Variants in PRKAR1B observed in about 807,000 individuals in gnomAD.
PRKAR1B encodes the protein protein kinase cAMP-dependent type I regulatory subunit beta.
PRKAR1B carries 22 observed loss-of-function variants against 46.5 expected under a neutral mutation model. The observed-to-expected ratio is 0.47, with a 90% CI of 0.34 to 0.68. The LOEUF (loss-of-function observed/expected upper bound fraction) is 0.68. PRKAR1B is among the 30% of genes least tolerant of loss of function. The pLI is 0.01. For synonymous variants in PRKAR1B, 259 were observed against 217.7 expected (o/e 1.19, Z -1.67); for missense variants, 445 against 535.6 (o/e 0.83, Z 1.67).
At chr7:572,943 A>G (rs1779608147) in intron 9 of PRKAR1B, among the ~76,000 whole-genome samples, 1 of 152,224 alleles carries the variant, frequency 6.6e-6, no homozygotes, top group Non-Finnish European at 1.5e-5. Flanking sequence ...CATCTCCTCC[A>G]CGCGCTGCTT....
At chr7:646,862 A>G (rs1784644759) in intron 4 of PRKAR1B, among the ~76,000 whole-genome samples, 1 of 152,176 alleles carries the variant, frequency 6.6e-6, no homozygotes, top group Non-Finnish European at 1.5e-5. Flanking sequence ...GTCCAAATCC[A>G]AAAAGGCCAT....
At chr7:625,374 C>G (rs1281006856) in intron 4 of PRKAR1B, among the ~76,000 whole-genome samples, 1 of 152,032 alleles carries the variant, frequency 6.6e-6, no homozygotes, top group African/African-American at 2.4e-5. Flanking sequence ...AAATTAAATC[C>G]AAAGCAACAA....
intron 9 of PRKAR1B, among the ~76,000 whole-genome samples, chr7:571,403 C>A (rs887344748): frequency 6.6e-6 from 1 of 152,240 alleles, no homozygotes; most frequent in Non-Finnish European, 1.5e-5. Flanking sequence ...GAACAATGGG[C>A]CGTCCCCTGG....
chr7:590,890 G>A (rs1394498332), intron 7 of PRKAR1B, among the ~76,000 whole-genome samples: 1 of 152,198 alleles, frequency 6.6e-6, no homozygotes, highest in Non-Finnish European at 1.5e-5. Flanking sequence ...AGGCCCGTCG[G>A]CAGCAGAAAG....
chr7:670,902 C>A (rs575936768), intron 4 of PRKAR1B, among the ~76,000 whole-genome samples: 3 of 152,306 alleles, frequency 2.0e-5, no homozygotes, highest in Admixed American at 1.3e-4. Context: ...GGCTCAGGAC[C>A]GAGGACACGG....
intron 2 of PRKAR1B, among the ~76,000 whole-genome samples, chr7:710,475 G>A (rs1345856349): frequency 6.6e-6 from 1 of 152,084 alleles, no homozygotes; most frequent in Non-Finnish European, 1.5e-5. Flanking sequence ...AGGAGGCCAG[G>A]AAGGGGGTGA....
chr7:579,217 G>C, intron 9 of PRKAR1B, 39 bp downstream of exon 9: 2 of 1,613,570 alleles, frequency 1.2e-6, no homozygotes, highest in Non-Finnish European at 8.5e-7. Flanking sequence ...CCCTGCCCCA[G>C]TGCACACCCA....
chr7:568,475 C>G (rs576705705), intron 9 of PRKAR1B, among the ~76,000 whole-genome samples: 2 of 152,358 alleles, frequency 1.3e-5, no homozygotes, highest in South Asian at 4.1e-4. Flanking sequence ...TTGTTCACCA[C>G]CTGGAGCTGG....
chr7:625,915 G>A (rs1281543995), intron 4 of PRKAR1B, among the ~76,000 whole-genome samples: 2 of 149,738 alleles, frequency 1.3e-5, no homozygotes, highest in Non-Finnish European at 3.0e-5. Flanking sequence ...GGCTGAGGCA[G>A]AAGAATCACT....
chr7:710,596 A>G (rs1287574457), intron 2 of PRKAR1B, among the ~76,000 whole-genome samples: 4 of 147,858 alleles, frequency 2.7e-5, no homozygotes, highest in Non-Finnish European at 6.0e-5. Context: ...GTGGAATTCG[A>G]CCTCAAACCC....
At chr7:640,970 T>G (rs942904468) in intron 4 of PRKAR1B, among the ~76,000 whole-genome samples, 6 of 152,274 alleles carry the variant, frequency 3.9e-5, no homozygotes, top group Admixed American at 1.3e-4. Flanking sequence ...TTCTTTTTTT[T>G]TTGTTTTGAG....
chr7:598,236 C>T (rs372141253), intron 6 of PRKAR1B, among the ~76,000 whole-genome samples: 1 of 145,024 alleles, frequency 6.9e-6, no homozygotes. Flanking sequence ...GCACCCTCCA[C>T]ACTAAACACC....
chr7:671,173 C>T (rs1786234039), intron 4 of PRKAR1B, among the ~76,000 whole-genome samples: 1 of 150,514 alleles, frequency 6.6e-6, no homozygotes, highest in Admixed American at 6.6e-5. Flanking sequence ...CCCACCGCTT[C>T]TCCGTCCCTC....
intron 2 of PRKAR1B, among the ~76,000 whole-genome samples, chr7:684,693 C>A (rs1484920483): frequency 6.6e-6 from 1 of 152,180 alleles, no homozygotes; most frequent in Non-Finnish European, 1.5e-5. Flanking sequence ...GGCAGCCCCC[C>A]AAGGCCAGGA....
intron 4 of PRKAR1B, among the ~76,000 whole-genome samples, chr7:668,500 T>A (rs1231567624): frequency 1.3e-5 from 2 of 152,166 alleles, no homozygotes; most frequent in African/African-American, 2.4e-5. Context: ...TTTTCCTGTG[T>A]GCAAAACAAA....
intron 7 of PRKAR1B, among the ~76,000 whole-genome samples, chr7:589,679 C>A (rs1012442806): frequency 2.0e-5 from 3 of 152,202 alleles, no homozygotes; most frequent in African/African-American, 7.2e-5. Flanking sequence ...ACGGCCAGGC[C>A]CCACACTGTC....
At chr7:622,731 C>A (rs559620558) in intron 4 of PRKAR1B, among the ~76,000 whole-genome samples, 2 of 152,058 alleles carry the variant, frequency 1.3e-5, no homozygotes, top group Non-Finnish European at 2.9e-5. Flanking sequence ...AAGGAGCAGA[C>A]GGGAATGATG....
At position 561,873 on chromosome 7, in the gene PRKAR1B, G is replaced by C. The variant is rs537352080; in HGVS notation, c.892-10403C>G. 5 of 152,224 alleles carry C rather than the reference G, an allele frequency of 3.3e-5. No individual in the cohort carries two copies. The East Asian group carries it at 9.6e-4, about 29-fold the overall frequency. The allele number at this position is 152,224 out of a possible 1,614,324, so 9.4% of individuals were successfully genotyped here. ...CAGGTGCGGGGCTGCGTCCGCCCCC[G>C]CCTGCATGCCAGAGTGAGGCAGGCC... is the stretch of plus-strand genomic sequence containing the variant. On this transcript the variant is annotated intron_variant, in intron 9 of 10. Transcript: ENST00000537384.
chr7:567,637 T>G (rs1453916112), intron 9 of PRKAR1B, among the ~76,000 whole-genome samples: 1 of 152,188 alleles, frequency 6.6e-6, no homozygotes, highest in Non-Finnish European at 1.5e-5. Context: ...AAAAACAGGC[T>G]TGGCTGGATA....
Sources: allele counts gnomAD v4.1 joint callset (sites outside exome capture counted in the v4.1 genomes callset), GRCh38; gene constraint gnomAD v4.1.1; transcripts MANE v1.5; gene names NCBI Gene and HGNC (gene_info 2026-07-23, HGNC 2026-07-21).